The following GSTCD variants were observed in gnomAD, a reference collection of about 807,000 sequenced individuals.
The protein encoded by GSTCD is glutathione S-transferase C-terminal domain containing.
GSTCD carries 44 observed loss-of-function variants against 68.3 expected under a neutral mutation model. The ratio of observed to expected loss-of-function variants is 0.64; its 90% CI spans 0.51 to 0.83. The LOEUF (loss-of-function observed/expected upper bound fraction) is 0.83, where lower values mean the gene tolerates loss of function less well. Among genes scored for constraint, GSTCD ranks in the 40% least tolerant of loss-of-function variants. GSTCD has a pLI of 0.00. For missense variants in GSTCD, 739 were observed against 735.9 expected, an observed-to-expected ratio of 1.00 and a Z score of -0.05; for synonymous variants, 273 against 255.2, an observed-to-expected ratio of 1.07 and a Z score of -0.67.
At chr4:105,711,650 A>T (rs1578401270) in intron 1 of GSTCD, among the ~76,000 whole-genome samples, 1 of 152,232 alleles carries the variant, frequency 6.6e-6, no homozygotes, top group African/African-American at 2.4e-5. Context: ...TGGTAGGTAC[A>T]GTTATTATTG....
At chr4:105,768,679 T>C (rs1403607854) in intron 5 of GSTCD, among the ~76,000 whole-genome samples, 1 of 151,990 alleles carries the variant, frequency 6.6e-6, no homozygotes, top group African/African-American at 2.4e-5. Flanking sequence ...TAATTAGCAT[T>C]CAATATATAT....
At chr4:105,834,812 G>A (rs1304280459) in intron 9 of GSTCD, among the ~76,000 whole-genome samples, 1 of 152,178 alleles carries the variant, frequency 6.6e-6, no homozygotes, top group Non-Finnish European at 1.5e-5. Context: ...TTAGAAGCAA[G>A]GCTATCCAGG....
At chr4:105,768,736 G>A (rs1212822436) in intron 5 of GSTCD, among the ~76,000 whole-genome samples, 2 of 151,400 alleles carry the variant, frequency 1.3e-5, no homozygotes, top group African/African-American at 4.8e-5. Flanking sequence ...ATGTTAACGT[G>A]GTTAATTTAA....
At chr4:105,755,133 T>TGCTACTAG (rs1256464963) in intron 5 of GSTCD, among the ~76,000 whole-genome samples, 4 of 147,410 alleles carry the variant, frequency 2.7e-5, no homozygotes, top group African/African-American at 1.0e-4. Context: ...CTGTAGTTCC[T>TGCTACTAG]GCTACTAGGG....
chr4:105,823,745 T>G (rs1723436480), intron 7 of GSTCD: 1 of 153,112 alleles, frequency 6.5e-6, no homozygotes, highest in African/African-American at 2.4e-5. Flanking sequence ...GCTTTGCTTT[T>G]CTTGTTCTCA....
chr4:105,817,373 A>G (rs888376312), intron 5 of GSTCD, among the ~76,000 whole-genome samples: 2 of 151,784 alleles, frequency 1.3e-5, no homozygotes, highest in South Asian at 4.1e-4. Context: ...TTTTTAGTTA[A>G]TTATTTAATT....
chr4:105,719,009 A>G, intron 2 of GSTCD, 51 bp from the exon 3 acceptor site: 2 of 1,362,728 alleles, frequency 1.5e-6, no homozygotes, highest in South Asian at 1.3e-5. Context: ...TTCTAAAGTT[A>G]TATTGAAATT....
chr4:105,775,459 C>T (rs1466801799), intron 5 of GSTCD, among the ~76,000 whole-genome samples: 1 of 152,202 alleles, frequency 6.6e-6, no homozygotes, highest in Non-Finnish European at 1.5e-5. Context: ...GCTTTTGGCA[C>T]TGGTTTTTCA....
intron 5 of GSTCD, chr4:105,760,996 A>ATTTTTTTTTTTTT (rs35581423): frequency 5.7e-5 from 10 of 174,960 alleles, no homozygotes; most frequent in Non-Finnish European, 6.7e-5. Context: ...TCCTTTTTTA[A>ATTTTTTTTTTTTT]TTTTTTTTTT....
chr4:105,719,571 C>G (rs1340804302), intron 3 of GSTCD, 44 bp downstream of exon 3: 3 of 1,393,072 alleles, frequency 2.2e-6, no homozygotes, highest in Non-Finnish European at 3.0e-6. Flanking sequence ...GAGTTTCAGT[C>G]TATGAAATTG....
At chr4:105,714,584 T>G (rs1732630077) in intron 1 of GSTCD, among the ~76,000 whole-genome samples, 1 of 151,900 alleles carries the variant, frequency 6.6e-6, no homozygotes, top group African/African-American at 2.4e-5. Flanking sequence ...ATTTAATATT[T>G]ATTTTAAAAA....
chr4:105,760,996 A>ATTTTTTTTTTTTTTTTT (rs35581423), intron 5 of GSTCD: 10 of 174,984 alleles, frequency 5.7e-5, no homozygotes, highest in African/African-American at 1.6e-4. Context: ...TCCTTTTTTA[A>ATTTTTTTTTTTTTTTTT]TTTTTTTTTT....
chr4:105,814,204 AT>A (rs1184730963), intron 5 of GSTCD, among the ~76,000 whole-genome samples: 1 of 152,174 alleles, frequency 6.6e-6, no homozygotes, highest in Non-Finnish European at 1.5e-5. Flanking sequence ...TCTGACATCC[AT>A]TGTTACTTAG....
At chr4:105,835,456 C>T (rs969228301) in intron 9 of GSTCD, among the ~76,000 whole-genome samples, 1 of 152,070 alleles carries the variant, frequency 6.6e-6, no homozygotes, top group South Asian at 2.1e-4. Flanking sequence ...TGGCTCCCTG[C>T]GAGGCTGCAG....
chr4:105,770,704 A>C (rs1047339502), intron 5 of GSTCD, among the ~76,000 whole-genome samples: 1 of 152,118 alleles, frequency 6.6e-6, no homozygotes, highest in African/African-American at 2.4e-5. Flanking sequence ...ACATGAACTC[A>C]TCCTTTTTTA....
intron 3 of GSTCD, among the ~76,000 whole-genome samples, chr4:105,719,913 G>T (rs181595661): frequency 6.6e-6 from 1 of 151,492 alleles, no homozygotes; most frequent in Non-Finnish European, 1.5e-5. Context: ...TGGATACTCC[G>T]TTGGACGTCT....
chr4:105,796,490 A>G (rs1316820915), intron 5 of GSTCD, among the ~76,000 whole-genome samples: 2 of 152,112 alleles, frequency 1.3e-5, no homozygotes, highest in African/African-American at 4.8e-5. Context: ...TGTTTTTATT[A>G]TTATTAAATC....
intron 5 of GSTCD, among the ~76,000 whole-genome samples, chr4:105,770,550 G>A (rs188919737): frequency 2.6e-5 from 4 of 152,170 alleles, no homozygotes; most frequent in Middle Eastern, 3.4e-3. Context: ...AGGCCCTGGA[G>A]TATGATATTC....
At chr4:105,760,973 G>C in intron 5 of GSTCD, 1 of 279,724 alleles carries the variant, frequency 3.6e-6, no homozygotes, top group Admixed American at 5.1e-5. Context: ...TAATAATTTT[G>C]TATATCTCAT....
Sources: gnomAD v4.1 joint callset for allele counts (sites outside exome capture counted in the v4.1 genomes callset) on GRCh38, gnomAD v4.1.1 for gene constraint, MANE v1.5 for transcripts, NCBI Gene and HGNC (gene_info 2026-07-23, HGNC 2026-07-21) for gene names.